WDR82: variants seen among roughly 807,000 people sequenced by gnomAD.
WDR82 encodes WD repeat-containing protein 82.
Under a neutral mutation model 36.1 loss-of-function variants are expected in WDR82, and 8 were observed. The observed-to-expected ratio is 0.22, with a 90% CI of 0.13 to 0.40. The LOEUF (loss-of-function observed/expected upper bound fraction) is 0.40, where lower values mean the gene tolerates loss of function less well. Among genes scored for constraint, WDR82 ranks in the 10% least tolerant of loss-of-function variants. The probability of loss-of-function intolerance (pLI) is 1.00; values close to 1 mark genes in which losing one functional copy is unlikely to be tolerated. For missense variants in WDR82, 185 were observed against 400.5 expected, an observed-to-expected ratio of 0.46 and a Z score of 4.59; for synonymous variants, 129 against 137.8, an observed-to-expected ratio of 0.94 and a Z score of 0.45.
intron 2 of WDR82, 82 bp from the exon 3 acceptor site, chr3:52,267,100 G>A (rs1358055557): frequency 1.1e-5 from 12 of 1,125,994 alleles, no homozygotes; most frequent in East Asian, 2.6e-5. Context: ...AAAAGACAAG[G>A]TCAAATAATC....
chr3:52,277,021 G>A (rs562577249), intron 1 of WDR82, among the ~76,000 whole-genome samples: 126 of 146,764 alleles, frequency 8.6e-4, no homozygotes, highest in African/African-American at 2.9e-3. Context: ...AAAAAAAAAG[G>A]AAAAAGGAAC....
chr3:52,270,411 C>A lies in WDR82; in HGVS notation c.259+301G>T, dbSNP rs146121231. On this transcript the variant is annotated intron_variant, in intron 2 of 8. Coordinates refer to ENST00000296490, the MANE Select transcript of WDR82 (RefSeq NM_025222.4). The stretch of plus-strand genomic sequence containing the variant: ...GGGATTATAGGCGCGAGCCCCTACG[C>A]CCGGCTTTAAAAGCGTTCTTTTAAG... 3.9e-3 allele frequency among the ~76,000 whole-genome samples: 596 copies of A among 152,334 alleles called. 5 individuals are homozygous for A. Among genetic ancestry groups the A allele is most frequent in the South Asian group, 0.023 (113 of 4,832 alleles).
chr3:52,268,703 T>C (rs1700127083), intron 2 of WDR82, among the ~76,000 whole-genome samples: 1 of 142,406 alleles, frequency 7.0e-6, no homozygotes, highest in Admixed American at 7.1e-5. Context: ...TAAAAATCAA[T>C]ACAGGCAGAA....
intron 3 of WDR82, among the ~76,000 whole-genome samples, chr3:52,265,566 C>CTTTTTTTT (rs959125432): frequency 2.5e-5 from 3 of 120,744 alleles, no homozygotes; most frequent in South Asian, 2.6e-4. Flanking sequence ...GGAAGTGCAA[C>CTTTTTTTT]TTTTTTTTTT....
chr3:52,273,259 A>T (rs1024422458), intron 1 of WDR82, among the ~76,000 whole-genome samples: 15 of 152,064 alleles, frequency 9.9e-5, no homozygotes, highest in African/African-American at 3.4e-4. Flanking sequence ...GTGAAATCCC[A>T]TCTCTACTAA....
chr3:52,277,971 C>T (rs1394543532), intron 1 of WDR82, among the ~76,000 whole-genome samples: 1 of 151,690 alleles, frequency 6.6e-6, no homozygotes, highest in African/African-American at 2.4e-5. Context: ...CAAAGGAGAC[C>T]GAAGACATAC....
intron 2 of WDR82, chr3:52,268,200 C>A (rs1261353535): frequency 2.5e-6 from 1 of 406,624 alleles, no homozygotes; most frequent in Non-Finnish European, 5.3e-6. Flanking sequence ...AAGACTTCCT[C>A]CCCATTACCT....
At chr3:52,258,335 G>A (rs1700030399) in intron 8 of WDR82, among the ~76,000 whole-genome samples, 1 of 152,146 alleles carries the variant, frequency 6.6e-6, no homozygotes, top group African/African-American at 2.4e-5. Flanking sequence ...CCTCTAGGAA[G>A]AATAAAAATG....
In WDR82 at chr3:52,258,591, G is replaced by C; in HGVS notation, c.857C>G (p.Thr286Ser). The change falls in exon 8 of 9, where the codon ACC (threonine) becomes AGC (serine). Residue 286 changes from threonine to serine, a missense_variant. Coordinates refer to ENST00000296490, the MANE Select transcript of WDR82 (RefSeq NM_025222.4). ...VLDGKHTGPI[T>S]CLQFNPKFMT... ...GAACTTGGGGTTGAATTGCAAACAG[G>C]TAATCGGGCCTGTGTGTTTACCATC... The C allele has an allele frequency of 6.2e-7, 1 of 1,614,126 alleles. No homozygotes were observed. Among genetic ancestry groups the C allele is most frequent in the Non-Finnish European group, 8.5e-7 (1 of 1,179,994 alleles).
chr3:52,257,343 G>GA lies in WDR82; in HGVS notation c.*146dup. 1 of 1,073,246 alleles carries GA rather than the reference G, an allele frequency of 9.3e-7. No individual in the cohort carries two copies. Among genetic ancestry groups the GA allele is most frequent in the African/African-American group, 1.6e-5 (1 of 63,386 alleles). 66.5% of individuals were successfully genotyped at this position (1,073,246 alleles called of 1,614,324 possible). A position where few individuals can be genotyped will look rare whatever the true frequency, so the allele number is the denominator to read the frequency against. ...CAAAGTAATTATTTTCTTTTGAGCA[G>GA]ATGTACAGCACATCCATGGGAAGGC... On this transcript the variant is annotated 3_prime_UTR_variant, in exon 9 of 9. Coordinates refer to ENST00000296490, the MANE Select transcript of WDR82 (RefSeq NM_025222.4).
intron 4 of WDR82, among the ~76,000 whole-genome samples, chr3:52,260,803 T>A (rs144480939): frequency 0.02 from 2,996 of 152,214 alleles, 52 homozygotes; most frequent in Middle Eastern, 0.034. Flanking sequence ...TAAAAATAAA[T>A]CCCTTGAAGC....
chr3:52,258,811 G>T, intron 7 of WDR82, 133 bp from the exon 8 acceptor site: 1 of 1,269,276 alleles, frequency 7.9e-7, no homozygotes, highest in Non-Finnish European at 1.1e-6. Flanking sequence ...TGAGAGGGAG[G>T]AGAGGCAGTG....
intron 8 of WDR82, among the ~76,000 whole-genome samples, 178 bp from the exon 9 acceptor site, chr3:52,257,697 A>G (rs1700025441): frequency 6.6e-6 from 1 of 152,112 alleles, no homozygotes. Context: ...CTCTATGTGA[A>G]AGTAAAATGG....
intron 7 of WDR82, among the ~76,000 whole-genome samples, 160 bp from the exon 8 acceptor site, chr3:52,258,838 G>A (rs187832542): frequency 1.5e-4 from 23 of 152,288 alleles, no homozygotes; most frequent in Middle Eastern, 3.4e-3. Flanking sequence ...GGACACTTTG[G>A]AAATTTATCT....
At chr3:52,259,926 G>C (rs1375526454) in intron 5 of WDR82, 54 bp from the exon 6 acceptor site, 10 of 1,562,750 alleles carry the variant, frequency 6.4e-6, no homozygotes, top group East Asian at 2.3e-5. Context: ...TCTTCTGCTA[G>C]AGCCAATTCC....
intron 1 of WDR82, among the ~76,000 whole-genome samples, chr3:52,272,479 G>C (rs1700162931): frequency 6.6e-6 from 1 of 150,376 alleles, no homozygotes; most frequent in Non-Finnish European, 1.5e-5. Context: ...GGGAGGCAGA[G>C]ATTGTAGTGA....
chr3:52,258,816 GC>G, intron 7 of WDR82, 138 bp from the exon 8 acceptor site: 1 of 1,226,674 alleles, frequency 8.2e-7, no homozygotes, highest in Middle Eastern at 1.9e-4. Flanking sequence ...GGGAGGAGAG[GC>G]AGTGAAGGAA....
chr3:52,265,293 C>G (rs1307073171), intron 3 of WDR82, among the ~76,000 whole-genome samples: 1 of 74,872 alleles, frequency 1.3e-5, no homozygotes, highest in Non-Finnish European at 2.3e-5. Context: ...GAGCGAGACT[C>G]TGTCTCAAAA....
At chr3:52,273,693 T>A (rs1188172193) in intron 1 of WDR82, among the ~76,000 whole-genome samples, 1 of 152,234 alleles carries the variant, frequency 6.6e-6, no homozygotes, top group Non-Finnish European at 1.5e-5. Flanking sequence ...CGATCTCGGC[T>A]CACTGCAACC....
Sources: allele counts gnomAD v4.1 joint callset (sites outside exome capture counted in the v4.1 genomes callset), GRCh38; gene constraint gnomAD v4.1.1; transcripts MANE v1.5; gene names NCBI Gene and HGNC (gene_info 2026-07-23, HGNC 2026-07-21).